Variants in SYTL2 observed in about 807,000 individuals in gnomAD.
SYTL2 encodes synaptotagmin like 2.
Under a neutral mutation model 198.7 loss-of-function variants are expected in SYTL2, and 165 were observed. The observed-to-expected ratio is 0.83, with a 90% CI of 0.73 to 0.94. The LOEUF (loss-of-function observed/expected upper bound fraction) is 0.94, where lower values mean the gene tolerates loss of function less well. Ranked by LOEUF, SYTL2 falls within the 40% of genes least tolerant of loss-of-function variation. SYTL2 has a pLI of 0.00. For synonymous variants in SYTL2, 966 were observed against 917.7 expected (o/e 1.05, Z -0.95); for missense variants, 2,835 against 2,582.8 (o/e 1.10, Z -2.12).
Position 85,724,602 on chromosome 11 carries a change from A to G in SYTL2, c.4756T>C (p.Ser1586Pro), listed in dbSNP as rs1443396070. 1 of 1,612,944 alleles carries G rather than the reference A, an allele frequency of 6.2e-7. No individual in the cohort carries two copies. Among genetic ancestry groups the G allele is most frequent in the Non-Finnish European group, 8.5e-7 (1 of 1,179,698 alleles). Residue 1586 changes from serine to proline, a missense_variant, in exon 8 of 20, where the codon TCA (serine) becomes CCA (proline). By Grantham distance (74) the Ser-to-Pro change is moderately conservative (BLOSUM62 -1). This residue lies in a region of SYTL2 where 2,645 missense variants were observed against 2,381.7 expected (regional missense o/e 1.11). Transcript: ENST00000359152. The stretch of plus-strand genomic sequence containing the variant: ...TTCTCGTGAGTTTCTTCTCTCACTG[A>G]CACCTGGGGCTGATAAGGAGGAGCT... ...TEAPPYQPQV[S>P]VREETHEKES...
the SYTL2 span, among the ~76,000 whole-genome samples, chr11:85,844,226 T>C: frequency 6.6e-6 from 1 of 152,212 alleles, no homozygotes. Context: ...TTCATTTACA[T>C]AGAATAAGAA....
At chr11:85,738,812 T>TG (rs2090563123) in intron 4 of SYTL2, among the ~76,000 whole-genome samples, 1 of 152,150 alleles carries the variant, frequency 6.6e-6, no homozygotes, top group Admixed American at 6.5e-5. Context: ...TGCTGATGGT[T>TG]GGGGGTCTCT....
At chr11:85,785,343 G>A (rs1592022523) in intron 1 of SYTL2, among the ~76,000 whole-genome samples, 1 of 152,168 alleles carries the variant, frequency 6.6e-6, no homozygotes, top group East Asian at 1.9e-4. Flanking sequence ...GCTGGACCCA[G>A]GACAGCCAGA....
At chr11:85,700,686 T>C (rs962609038) in intron 16 of SYTL2, 93 bp from the exon 17 acceptor site, 19 of 921,288 alleles carry the variant, frequency 2.1e-5, no homozygotes, top group Non-Finnish European at 3.4e-5. Context: ...CTGTCCCATT[T>C]CTGGGACCAT....
intron 7 of SYTL2, among the ~76,000 whole-genome samples, chr11:85,730,583 G>A (rs2089703248): frequency 2.0e-5 from 3 of 152,128 alleles, no homozygotes; most frequent in African/African-American, 4.8e-5. Context: ...AGGTATTGAT[G>A]GAACGTATCT....
chr11:85,827,953 T>C, the SYTL2 span, among the ~76,000 whole-genome samples: 2 of 152,186 alleles, frequency 1.3e-5, no homozygotes, highest in African/African-American at 4.8e-5. Flanking sequence ...CTGGCAAATA[T>C]CTGTTTCTTA....
chr11:85,697,876 A>G (rs2153358979), intron 18 of SYTL2, 103 bp downstream of exon 18: 1 of 675,464 alleles, frequency 1.5e-6, no homozygotes, highest in Non-Finnish European at 2.6e-6. Context: ...AAATTCATTT[A>G]AATTATGAAT....
chr11:85,817,325 T>C, the SYTL2 span, among the ~76,000 whole-genome samples: 9 of 152,350 alleles, frequency 5.9e-5, no homozygotes, highest in East Asian at 5.8e-4. Context: ...ATACACAGCC[T>C]GTGCTGTTTA....
chr11:85,752,400 A>G (rs2091566178), intron 2 of SYTL2, among the ~76,000 whole-genome samples: 1 of 152,164 alleles, frequency 6.6e-6, no homozygotes, highest in African/African-American at 2.4e-5. Context: ...GGTCACACAG[A>G]GCTGGCAGCA....
upstream of SYTL2, among the ~76,000 whole-genome samples, chr11:85,811,852 G>C (rs1237452234): frequency 6.6e-6 from 1 of 152,170 alleles, no homozygotes; most frequent in Non-Finnish European, 1.5e-5. Context: ...TGTAATCCCA[G>C]CATTATGGGA....
Position 85,726,800 on chromosome 11 carries a change from A to T in SYTL2, c.2558T>A (p.Ile853Asn). The T allele has an allele frequency of 6.5e-7, 1 of 1,536,222 alleles. No homozygotes were observed. The highest frequency in any genetic ancestry group is 8.7e-7 in the Non-Finnish European group (1 of 1,146,894). The part of the protein sequence containing the change: ...STDQSEYNQA[I>N]PKRVVLDEDD... ...CTCATCTAAGACCACTCGTTTGGGA[A>T]TGGCCTGATTATATTCACTCTGGTC... is the stretch of plus-strand genomic sequence containing the variant. Residue 853 changes from isoleucine (I) to asparagine (N), a missense_variant, in exon 8 of 20, where the codon ATT becomes AAT. Physicochemically the swap from Ile to Asn is moderately radical, Grantham distance 149. Transcript: ENST00000359152.
chr11:85,742,057 GT>G (rs151129336), intron 4 of SYTL2, among the ~76,000 whole-genome samples: 8,843 of 152,224 alleles, frequency 0.058, 315 homozygotes, highest in East Asian at 0.099. Context: ...GGTTGATCTT[GT>G]TCTCCCTGAA....
the SYTL2 span, among the ~76,000 whole-genome samples, chr11:85,820,712 T>C: frequency 6.6e-6 from 1 of 152,242 alleles, no homozygotes; most frequent in Non-Finnish European, 1.5e-5. Flanking sequence ...TGATAAATAC[T>C]GATGTGTATC....
chr11:85,724,258 T>A lies in SYTL2; in HGVS notation c.5100A>T (p.Glu1700Asp). The A allele has an allele frequency of 6.4e-7, 1 of 1,567,338 alleles. No homozygotes were observed. The highest frequency in any genetic ancestry group is 8.6e-7 in the Non-Finnish European group (1 of 1,162,556). Reference protein sequence around the residue: ...GVAGGQGTLQEPGFGEASEAI... With the variant: ...GVAGGQGTLQDPGFGEASEAI... The stretch of plus-strand genomic sequence containing the variant: ...CTTCAGAAGCCTCTCCAAAGCCAGG[T>A]TCCTGAAGAGTCCCTTGTCCCCCTG... Residue 1700 changes from glutamate (E) to aspartate (D), a missense_variant, in exon 8 of 20, where the codon GAA (glutamate) becomes GAT (aspartate). By Grantham distance (45) the Glu-to-Asp change is conservative (BLOSUM62 2). This residue lies in a region of SYTL2 where 2,645 missense variants were observed against 2,381.7 expected (regional missense o/e 1.11). Coordinates refer to ENST00000359152, the MANE Select transcript of SYTL2 (RefSeq NM_206927.4).
chr11:85,696,747 AGCT>A (rs1303154265), intron 18 of SYTL2, among the ~76,000 whole-genome samples: 1 of 152,200 alleles, frequency 6.6e-6, no homozygotes, highest in East Asian at 1.9e-4. Flanking sequence ...CAAAACACTT[AGCT>A]CCATGCCTGC....
chr11:85,818,656 A>ACTATCTAT, the SYTL2 span, among the ~76,000 whole-genome samples: 23,137 of 148,904 alleles, frequency 0.16, 1,953 homozygotes, highest in East Asian at 0.32. Context: ...TGTATAAATT[A>ACTATCTAT]CTATCTATCT....
chr11:85,721,641 G>A (rs1263292203), intron 8 of SYTL2, among the ~76,000 whole-genome samples: 2 of 152,082 alleles, frequency 1.3e-5, no homozygotes, highest in Admixed American at 6.6e-5. Flanking sequence ...TCAGTGCCTA[G>A]AACAGTGGCT....
intron 4 of SYTL2, among the ~76,000 whole-genome samples, chr11:85,738,698 G>A (rs548689278): frequency 3.3e-5 from 5 of 152,286 alleles, no homozygotes; most frequent in African/African-American, 1.2e-4. Flanking sequence ...GTGATATGAG[G>A]AACAACATCC....
rs772368792 is a variant in SYTL2 at position 85,726,339 on chromosome 11, T to C, written c.3019A>G (p.Thr1007Ala). 8 of 1,614,144 alleles carry C rather than the reference T, an allele frequency of 5.0e-6. No homozygotes were observed. Among genetic ancestry groups the C allele is most frequent in the Non-Finnish European group, 5.1e-6 (6 of 1,180,016 alleles). Residue 1007 changes from threonine to alanine, a missense_variant, in exon 8 of 20, where the codon ACA (threonine) becomes GCA (alanine). Coordinates refer to ENST00000359152, the MANE Select transcript of SYTL2 (RefSeq NM_206927.4). ...AAAGGTGCAGAATTTTTTTGGCTTGTGGTGGTAATATTCTTGTCATTATCC... is the reference window on the plus strand; with the variant it reads ...AAAGGTGCAGAATTTTTTTGGCTTGCGGTGGTAATATTCTTGTCATTATCC... ...SKDNDKNITT[T>A]SQKNSAPFNR...
Sources: gnomAD v4.1 joint callset for allele counts (sites outside exome capture counted in the v4.1 genomes callset) on GRCh38, gnomAD v4.1.1 for gene constraint, gnomAD v4.1.1 regional missense constraint, MANE v1.5 for transcripts, NCBI Gene and HGNC (gene_info 2026-07-23, HGNC 2026-07-21) for gene names.